Variants in NARS2 observed in about 807,000 individuals in gnomAD.
NARS2 encodes the protein asparaginyl-tRNA synthetase.
A neutral mutation model predicts 62.9 loss-of-function variants in NARS2; 60 were observed. The observed-to-expected ratio is 0.95, with a 90% CI of 0.77 to 1.18. The LOEUF (loss-of-function observed/expected upper bound fraction) is 1.18, where lower values mean the gene tolerates loss of function less well. Ranked by LOEUF, NARS2 falls within the 50% of genes most tolerant of loss-of-function variation. NARS2 has a pLI of 0.00. For missense variants in NARS2, 619 were observed against 576.4 expected (o/e 1.07, Z -0.76); for synonymous variants, 196 against 200.0 (o/e 0.98, Z 0.17).
rs1250321708 is a variant in NARS2, at chr11:78,566,246, CCT to C, written c.397_398del (p.Arg133AlafsTer13). 6.2e-7 allele frequency: 1 copy of C among 1,601,372 alleles called. No individual in the cohort carries two copies. The highest frequency in any genetic ancestry group is 8.5e-7 in the Non-Finnish European group (1 of 1,173,232). ...ATTGTCGCAGATACTCCAGAGGATG[CCT>C]CTCTTTATATTTGATGGGGAAATCC... ...AKDFPIKYKE[R>X]HPLEYLRQYP... is the part of the protein sequence containing the mutation. On this transcript the variant is annotated frameshift_variant, in exon 4 of 14. Coordinates refer to ENST00000281038, the MANE Select transcript of NARS2 (RefSeq NM_024678.6). LOFTEE classifies it high-confidence loss of function.
intron 7 of NARS2, among the ~76,000 whole-genome samples, chr11:78,485,511 A>G (rs918470905): frequency 2.0e-5 from 3 of 152,134 alleles, no homozygotes; most frequent in East Asian, 3.9e-4. Context: ...AATAACCTGA[A>G]ATGGAGATGA....
chr11:78,559,474 T>A, intron 5 of NARS2, 65 bp downstream of exon 5: 1 of 1,072,024 alleles, frequency 9.3e-7, no homozygotes, highest in East Asian at 2.4e-5. Flanking sequence ...ATTATTAAAT[T>A]TCAAACCCTC....
intron 11 of NARS2, among the ~76,000 whole-genome samples, chr11:78,464,321 G>A (rs774769068): frequency 1.2e-4 from 19 of 152,128 alleles, no homozygotes; most frequent in Admixed American, 9.2e-4. Flanking sequence ...TGCAAAGAGC[G>A]AAAGAACAAA....
At chr11:78,464,375 G>A (rs888806642) in intron 11 of NARS2, among the ~76,000 whole-genome samples, 1 of 152,158 alleles carries the variant, frequency 6.6e-6, no homozygotes, top group Admixed American at 6.5e-5. Context: ...TGCTACTGCT[G>A]GCTCGGGCAG....
At chr11:78,507,731 G>A (rs1333153954) in intron 6 of NARS2, among the ~76,000 whole-genome samples, 1 of 151,970 alleles carries the variant, frequency 6.6e-6, no homozygotes, top group Non-Finnish European at 1.5e-5. Flanking sequence ...ATGTTAACCA[G>A]GATGGTCTCG....
intron 5 of NARS2, among the ~76,000 whole-genome samples, chr11:78,550,467 G>T (rs1023605236): frequency 4.6e-5 from 7 of 152,126 alleles, no homozygotes; most frequent in Non-Finnish European, 1.0e-4. Flanking sequence ...GCCCATTCTA[G>T]AATTGTTAAA....
intron 5 of NARS2, among the ~76,000 whole-genome samples, chr11:78,541,288 G>T (rs1855607855): frequency 6.6e-6 from 1 of 151,244 alleles, no homozygotes; most frequent in African/African-American, 2.4e-5. Flanking sequence ...TAGAATCCAG[G>T]TTTCTCAGCT....
intron 13 of NARS2, 147 bp from the exon 14 acceptor site, chr11:78,436,961 A>C (rs1412207026): frequency 4.0e-6 from 3 of 757,698 alleles, no homozygotes; most frequent in Non-Finnish European, 6.4e-6. Context: ...CCACAGACAG[A>C]CAATGGAAAG....
intron 6 of NARS2, among the ~76,000 whole-genome samples, chr11:78,507,578 G>T (rs1860552227): frequency 6.6e-6 from 1 of 151,202 alleles, no homozygotes; most frequent in Admixed American, 6.6e-5. Flanking sequence ...GGAGTGCAGG[G>T]GCGCAATCTC....
In NARS2 at chr11:78,574,517, GC is replaced by G. The variant is rs778925481; in HGVS notation, c.-30del. 6.3e-7 allele frequency: 1 copy of G among 1,584,986 alleles called. No individual in the cohort carries two copies. Among genetic ancestry groups the G allele is most frequent in the East Asian group, 2.3e-5 (1 of 43,534 alleles). ...GCGTCCGCCCAGGCCCTCCGCGGGA[GC>G]AGCCCAGACCCCACGGTTCGAACCC... On this transcript the variant is annotated 5_prime_UTR_variant, in exon 1 of 14. Transcript: ENST00000281038.
chr11:78,465,779 T>G (rs570676077), intron 11 of NARS2, 97 bp downstream of exon 11: 11 of 1,328,084 alleles, frequency 8.3e-6, no homozygotes, highest in African/African-American at 7.3e-5. Flanking sequence ...TTTTAAGAGA[T>G]AGAGTGATAG....
chr11:78,481,532 A>G (rs1732113443), intron 7 of NARS2, among the ~76,000 whole-genome samples: 1 of 152,198 alleles, frequency 6.6e-6, no homozygotes, highest in Admixed American at 6.6e-5. Context: ...GGGTTGTTAA[A>G]TCATTGTCTT....
At chr11:78,462,114 A>G (rs7943815) in intron 11 of NARS2, among the ~76,000 whole-genome samples, 50,022 of 152,086 alleles carry the variant, frequency 0.33, 10,469 homozygotes, top group African/African-American at 0.58. Flanking sequence ...TTCTTAAGCA[A>G]AGTACTTAAG....
At chr11:78,514,748 G>A (rs900500720) in intron 6 of NARS2, among the ~76,000 whole-genome samples, 3 of 152,114 alleles carry the variant, frequency 2.0e-5, no homozygotes, top group Non-Finnish European at 4.4e-5. Flanking sequence ...TACTAGAAAC[G>A]GGTAGAGAAT....
rs997147252 is a variant in NARS2 at position 78,472,611 on chromosome 11, C to T, written c.960-3298G>A. On this transcript the variant is annotated intron_variant, in intron 9 of 13. Coordinates refer to ENST00000281038, the MANE Select transcript of NARS2 (RefSeq NM_024678.6). ...ACATTTTCATATAAAATAATTGTAACAGGTAGTGAAAAATACACTGAAATC... is the reference window on the plus strand; with the variant it reads ...ACATTTTCATATAAAATAATTGTAATAGGTAGTGAAAAATACACTGAAATC... Among the ~76,000 whole-genome samples, 6 of 152,134 alleles carry T rather than the reference C, an allele frequency of 3.9e-5. No individual in the cohort carries two copies. The South Asian group carries it at 6.2e-4, about 16-fold the overall frequency.
chr11:78,491,950 A>T (rs1200319368), intron 7 of NARS2, among the ~76,000 whole-genome samples: 2 of 152,294 alleles, frequency 1.3e-5, no homozygotes, highest in East Asian at 3.9e-4. Context: ...AGTTGATGAA[A>T]ATCACTAAAA....
chr11:78,475,580 C>CTT lies in NARS2; in HGVS notation c.959+2856_959+2857dup, dbSNP rs377023107. Among the ~76,000 whole-genome samples, 94 of 93,984 alleles carry CTT rather than the reference C, an allele frequency of 1.0e-3. 4 individuals carry two copies. Among genetic ancestry groups the CTT allele is most frequent in the African/African-American group, 1.3e-3 (31 of 23,782 alleles). The allele number at this position is 93,984 out of a possible 152,430, so 61.7% of individuals were successfully genotyped here. A position where few individuals can be genotyped will look rare whatever the true frequency, so the allele number is the denominator to read the frequency against. On this transcript the variant is annotated intron_variant, in intron 9 of 13. Coordinates refer to ENST00000281038, the MANE Select transcript of NARS2 (RefSeq NM_024678.6). Reference sequence around the variant, plus strand: ...TTTGCCAACACCTGTTATCATTTGACTTTTTTTTTTTTTTTTTTTTTTTTT... The same window carrying CTT: ...TTTGCCAACACCTGTTATCATTTGACTTTTTTTTTTTTTTTTTTTTTTTTTTT...
In NARS2 at chr11:78,574,459, G is replaced by A. The variant is rs775605101; in HGVS notation, c.30C>T (p.Ser10=). Residue 10 remains serine (S), a synonymous_variant, in exon 1 of 14, where the codon TCC becomes TCT. Transcript: ENST00000281038. ...AGGGGGCGGAGGAACAGAAGCGCAC[G>A]GACCGCAGCAGGCAGCGGACCCCCA... is the stretch of plus-strand genomic sequence containing the variant. MLGVRCLLR[S]VRFCSSAPFP... The A allele has an allele frequency of 5.6e-6, 9 of 1,613,558 alleles. No individual in the cohort carries two copies. The South Asian group carries it at 8.8e-5, about 16-fold the overall frequency.
chr11:78,531,345 A>T lies in NARS2; in HGVS notation c.595-2409T>A, dbSNP rs118065384. Among the ~76,000 whole-genome samples, 746 of 152,334 alleles carry T rather than the reference A, an allele frequency of 4.9e-3. 1 individual carries two copies. Among genetic ancestry groups the T allele is most frequent in the Non-Finnish European group, 8.6e-3 (583 of 68,030 alleles). The stretch of plus-strand genomic sequence containing the variant: ...AATAGGCCATAAAACAGTCTCAATA[A>T]ATCTTAAAAAACTAAAATCACACAA... On this transcript the variant is annotated intron_variant, in intron 5 of 13. Transcript: ENST00000281038.
Sources: allele counts gnomAD v4.1 joint callset (sites outside exome capture counted in the v4.1 genomes callset), GRCh38; gene constraint gnomAD v4.1.1; transcripts MANE v1.5; gene names NCBI Gene and HGNC (gene_info 2026-07-23, HGNC 2026-07-21).